The following TMEM223 variants were observed in gnomAD, a reference collection of about 807,000 sequenced individuals.
TMEM223 encodes the protein transmembrane protein 223.
A neutral mutation model predicts 14.1 loss-of-function variants in TMEM223; 14 were observed. The observed-to-expected ratio is 0.99, with a 90% CI of 0.66 to 1.55. The LOEUF is 1.55. Ranked by LOEUF, TMEM223 falls within the 40% of genes most tolerant of loss-of-function variation. The pLI, the probability that TMEM223 is intolerant of heterozygous loss-of-function variation, is 0.00. For missense variants in TMEM223, 346 were observed against 269.9 expected (o/e 1.28, Z -1.97); for synonymous variants, 145 against 120.5 (o/e 1.20, Z -1.33).
At chr11:62,776,435 G>T in intron 1 of TMEM223, 1 of 1,613,878 alleles carries the variant, frequency 6.2e-7, no homozygotes, top group Non-Finnish European at 8.5e-7. Context: ...GACGGTTGAG[G>T]ACTTCAACAG....
chr11:62,780,696 G>A (rs1195657737), intron 1 of TMEM223, among the ~76,000 whole-genome samples: 1 of 151,894 alleles, frequency 6.6e-6, no homozygotes, highest in African/African-American at 2.4e-5. Context: ...TTGGGAGGCC[G>A]AGGTGGGTGG....
In TMEM223 at chr11:62,791,918, T is replaced by C. The variant is rs767588645; in HGVS notation, c.77A>G (p.Gln26Arg). The change falls in exon 1 of 2, where the codon CAA (glutamine) becomes CGA (arginine). Residue 26 changes from glutamine (Q) to arginine (R), a missense_variant. Gln to Arg is a conservative substitution (Grantham distance 43). Coordinates refer to ENST00000307366, the MANE Select transcript of TMEM223 (RefSeq NM_001080501.3). ...CACATCCCGTTGCAGCGTCGTGCCT[T>C]GCAGGGGCCGGCAGGTGAGCAGGGG... is the stretch of plus-strand genomic sequence containing the variant. ...LRPLLTCRPLQGTTLQRDVLL... is the reference protein window; with the variant it reads ...LRPLLTCRPLRGTTLQRDVLL... The C allele has an allele frequency of 6.2e-7, 1 of 1,600,030 alleles. No homozygotes were observed. The highest frequency in any genetic ancestry group is 1.1e-5 in the South Asian group (1 of 88,748).
downstream of TMEM223, chr11:62,786,444 G>A: frequency 6.3e-7 from 1 of 1,597,776 alleles, no homozygotes; most frequent in Non-Finnish European, 8.6e-7. Flanking sequence ...CAGCCAAGCA[G>A]GCTTACTTTG....
At chr11:62,779,573 G>A (rs186826030) in intron 1 of TMEM223, among the ~76,000 whole-genome samples, 145 of 152,126 alleles carry the variant, frequency 9.5e-4, no homozygotes, top group Admixed American at 2.2e-3. Flanking sequence ...TGATCCACCC[G>A]CCTTGGCCTC....
downstream of TMEM223, chr11:62,782,562 G>A: frequency 7.3e-7 from 1 of 1,362,334 alleles, no homozygotes; most frequent in Admixed American, 2.1e-5. Context: ...AGTCACCCCT[G>A]GCAGCCTTCT....
Position 62,790,333 on chromosome 11 carries a change from T to C in TMEM223, c.*290A>G, listed in dbSNP as rs987228170. ...CATGGACTGAAACTTAGAGGTACTG[T>C]TAGGCAGCTGCCCTAGGGATGACTG... On this transcript the variant is annotated 3_prime_UTR_variant, in exon 2 of 2. Transcript: ENST00000307366. The C allele has an allele frequency of 1.8e-6, 1 of 542,088 alleles. No homozygotes were observed. The highest frequency in any genetic ancestry group is 1.9e-5 in the African/African-American group (1 of 52,830). 33.6% of individuals were successfully genotyped at this position (542,088 alleles called of 1,614,324 possible).
At position 62,790,114 on chromosome 11, in the gene TMEM223, A is replaced by G; in HGVS notation, c.*509T>C. ...CAAGTGCCTGTAATCCCCCCCCTCA[A>G]GGCCCTGTTTATGTTGGGAGTCTTA... On this transcript the variant is annotated 3_prime_UTR_variant, in exon 2 of 2. Coordinates refer to ENST00000307366, the MANE Select transcript of TMEM223 (RefSeq NM_001080501.3). 1.6e-5 allele frequency: 21 copies of G among 1,337,340 alleles called. No individual in the cohort carries two copies. The highest frequency in any genetic ancestry group is 1.1e-4 in the South Asian group (7 of 63,200). The allele number at this position is 1,337,340 out of a possible 1,614,324, so 82.8% of individuals were successfully genotyped here. A position where few individuals can be genotyped will look rare whatever the true frequency, so the allele number is the denominator to read the frequency against.
intron 1 of TMEM223, among the ~76,000 whole-genome samples, chr11:62,780,810 G>A (rs12364519): frequency 0.074 from 11,185 of 150,586 alleles, 450 homozygotes; most frequent in East Asian, 0.14. Flanking sequence ...GGTGGCATGC[G>A]TCTGTAATCC....
intron 1 of TMEM223, chr11:62,776,025 G>A: frequency 1.4e-6 from 2 of 1,427,612 alleles, no homozygotes; most frequent in South Asian, 1.4e-5. Context: ...TGTACACTGG[G>A]TGCCTGCTCC....
chr11:62,789,163 G>A (rs1313510001), downstream of TMEM223: 10 of 1,614,178 alleles, frequency 6.2e-6, no homozygotes, highest in Non-Finnish European at 8.5e-6. Context: ...ACTGCCTCCT[G>A]CTTTTGCTCT....
chr11:62,774,349 T>G (rs2084170250), intron 2 of TMEM223, among the ~76,000 whole-genome samples: 1 of 152,218 alleles, frequency 6.6e-6, no homozygotes, highest in Admixed American at 6.5e-5. Context: ...GTGCTGGGAT[T>G]ACAGGCGTGA....
downstream of TMEM223, among the ~76,000 whole-genome samples, chr11:62,783,258 G>A (rs1223961819): frequency 4.6e-5 from 7 of 152,220 alleles, no homozygotes; most frequent in East Asian, 1.9e-4. Context: ...TGAGGTGGGC[G>A]GATCACAAGG....
downstream of TMEM223, chr11:62,789,520 C>G (rs945109807): frequency 8.2e-6 from 13 of 1,589,852 alleles, no homozygotes; most frequent in African/African-American, 1.1e-4. Flanking sequence ...CAGTTGCTCT[C>G]AACTCACAGG....
chr11:62,772,269 C>T, intron 2 of TMEM223: 1 of 383,768 alleles, frequency 2.6e-6, no homozygotes. Context: ...CGCCTGTAAT[C>T]CTAGCACTTT....
downstream of TMEM223, chr11:62,787,944 A>G (rs1217830542): frequency 2.1e-6 from 1 of 486,304 alleles, no homozygotes; most frequent in African/African-American, 1.9e-5. Flanking sequence ...TGATTGTAGC[A>G]CAGTGTGTTA....
downstream of TMEM223, among the ~76,000 whole-genome samples, chr11:62,785,487 C>CCAATCACA (rs2084264549): frequency 3.5e-5 from 5 of 143,526 alleles, no homozygotes; most frequent in East Asian, 2.1e-4. Flanking sequence ...CCACAGCGCC[C>CCAATCACA]GGCTGGTATT....
In TMEM223 at chr11:62,790,092, G is replaced by A; in HGVS notation, c.*531C>T. ...CTGCAGCCGAAGACTCCATGCCCAA[G>A]TGCCTGTAATCCCCCCCCTCAAGGC... On this transcript the variant is annotated 3_prime_UTR_variant, in exon 2 of 2. Coordinates refer to ENST00000307366, the MANE Select transcript of TMEM223 (RefSeq NM_001080501.3). 4 of 1,531,054 alleles carry A rather than the reference G, an allele frequency of 2.6e-6. No individual in the cohort carries two copies. The highest frequency in any genetic ancestry group is 3.5e-6 in the Non-Finnish European group (4 of 1,138,380). 94.8% of individuals were successfully genotyped at this position (1,531,054 alleles called of 1,614,324 possible).
chr11:62,790,309 A>G lies in TMEM223; in HGVS notation c.*314T>C, dbSNP rs74629351. 306 of 544,760 alleles carry G rather than the reference A, an allele frequency of 5.6e-4. 1 individual carries two copies. Among genetic ancestry groups the G allele is most frequent in the African/African-American group, 5.0e-3 (265 of 52,960 alleles). The allele number at this position is 544,760 out of a possible 1,614,324, so 33.7% of individuals were successfully genotyped here. A position where few individuals can be genotyped will look rare whatever the true frequency, so the allele number is the denominator to read the frequency against. On this transcript the variant is annotated 3_prime_UTR_variant, in exon 2 of 2. Coordinates refer to ENST00000307366, the MANE Select transcript of TMEM223 (RefSeq NM_001080501.3). ...AGGAAGGAGTGAAGGCTAAGCAGACATGGACTGAAACTTAGAGGTACTGTT... is the reference window on the plus strand; with the variant it reads ...AGGAAGGAGTGAAGGCTAAGCAGACGTGGACTGAAACTTAGAGGTACTGTT...
downstream of TMEM223, among the ~76,000 whole-genome samples, chr11:62,783,339 T>G (rs893612909): frequency 9.2e-5 from 14 of 151,912 alleles, no homozygotes; most frequent in South Asian, 1.7e-3. Flanking sequence ...ACAATTAGCC[T>G]GGTGTGGTGG....
Sources: allele counts gnomAD v4.1 joint callset (sites outside exome capture counted in the v4.1 genomes callset), GRCh38; gene constraint gnomAD v4.1.1; transcripts MANE v1.5; gene names NCBI Gene and HGNC (gene_info 2026-07-23, HGNC 2026-07-21).